Variants in TAB2 observed in about 807,000 individuals in gnomAD.
TAB2 encodes the protein TGF-beta activated kinase 1 (MAP3K7) binding protein 2.
In TAB2, 3 loss-of-function variants were observed where a neutral mutation model predicts 65.0. That is an observed-to-expected ratio of 0.05 (90% CI 0.02 to 0.12). The LOEUF (loss-of-function observed/expected upper bound fraction) is 0.12. Ranked by LOEUF, TAB2 falls within the 10% of genes least tolerant of loss-of-function variation. The pLI is 1.00. For synonymous variants in TAB2, 298 were observed against 285.1 expected, an observed-to-expected ratio of 1.05 and a Z score of -0.46; for missense variants, 623 against 840.3, an observed-to-expected ratio of 0.74 and a Z score of 3.20.
intron 1 of TAB2, among the ~76,000 whole-genome samples, chr6:149,270,816 C>CT (rs1403080910): frequency 6.6e-6 from 1 of 152,244 alleles, no homozygotes; most frequent in African/African-American, 2.4e-5. Context: ...AGTTTCTTCT[C>CT]TTTTTTGGAT....
intron 5 of TAB2, among the ~76,000 whole-genome samples, chr6:149,398,311 C>T (rs1782244971): frequency 6.6e-6 from 1 of 152,162 alleles, no homozygotes; most frequent in Non-Finnish European, 1.5e-5. Context: ...GTTTCTTATA[C>T]TTGAGCTATT....
chr6:149,348,976 T>A (rs549714), intron 1 of TAB2, among the ~76,000 whole-genome samples: 129,449 of 149,550 alleles, frequency 0.87, 56,071 homozygotes, highest in Middle Eastern at 0.97. Context: ...TCAAAAAATT[T>A]AAAAAAAAAA....
rs1781511277 is a variant in TAB2, at chr6:149,379,037, A to G, written c.1122A>G (p.Pro374=). The G allele has an allele frequency of 3.1e-6, 5 of 1,614,202 alleles. No individual in the cohort carries two copies. Among genetic ancestry groups the G allele is most frequent in the African/African-American group, 1.3e-5 (1 of 75,044 alleles). ...QPTVYIAASP[P]NTDELMSRSQ... Reference sequence around the variant, plus strand: ...CTGTTTACATAGCTGCCAGCCCCCCAAATACGGATGAGCTGATGTCCCGTA... The same window carrying G: ...CTGTTTACATAGCTGCCAGCCCCCCGAATACGGATGAGCTGATGTCCCGTA... The change falls in exon 3 of 7, where the codon CCA becomes CCG. Residue 374 remains proline, a synonymous_variant. Transcript: ENST00000637181.
chr6:149,289,194 G>T (rs1044235056), intron 1 of TAB2, among the ~76,000 whole-genome samples: 1 of 151,946 alleles, frequency 6.6e-6, no homozygotes, highest in South Asian at 2.1e-4. Context: ...TCATGTATCT[G>T]CTCAAAACCA....
intron 1 of TAB2, among the ~76,000 whole-genome samples, chr6:149,338,300 A>G (rs1779994736): frequency 6.6e-6 from 1 of 152,210 alleles, no homozygotes; most frequent in East Asian, 1.9e-4. Context: ...CTTCGTGGAA[A>G]AATCTTGTCC....
upstream of TAB2, among the ~76,000 whole-genome samples, chr6:149,313,391 G>C (rs1195925989): frequency 6.6e-6 from 1 of 152,086 alleles, no homozygotes; most frequent in African/African-American, 2.4e-5. Flanking sequence ...ACATGGCCCA[G>C]GTTTGCCTAG....
At chr6:149,392,917 A>G (rs1782038341) in intron 3 of TAB2, among the ~76,000 whole-genome samples, 1 of 152,062 alleles carries the variant, frequency 6.6e-6, no homozygotes, top group Non-Finnish European at 1.5e-5. Context: ...TATTTTGTAA[A>G]CTCAAGGTTA....
At chr6:149,314,257 TC>T, upstream of TAB2, among the ~76,000 whole-genome samples, 1 of 152,250 alleles carries the variant, frequency 6.6e-6, no homozygotes, top group Non-Finnish European at 1.5e-5. Flanking sequence ...CTAATCTATT[TC>T]ATGTACCTGC....
intron 3 of TAB2, among the ~76,000 whole-genome samples, chr6:149,384,814 G>A (rs1459808608): frequency 1.3e-5 from 2 of 152,064 alleles, no homozygotes; most frequent in Non-Finnish European, 2.9e-5. Context: ...AAATTTTCAT[G>A]GTGGAGAGAA....
chr6:149,391,648 C>G (rs1036561107), intron 3 of TAB2, among the ~76,000 whole-genome samples: 2 of 151,900 alleles, frequency 1.3e-5, no homozygotes, highest in African/African-American at 4.8e-5. Flanking sequence ...CTCAAATGAT[C>G]CTCCCACCTC....
At chr6:149,268,636 G>T (rs1291706021) in intron 1 of TAB2, among the ~76,000 whole-genome samples, 1 of 152,200 alleles carries the variant, frequency 6.6e-6, no homozygotes, top group East Asian at 1.9e-4. Flanking sequence ...AGGTGTCTTT[G>T]CATACATGGA....
At chr6:149,350,547 G>A (rs546651707) in intron 1 of TAB2, among the ~76,000 whole-genome samples, 4 of 151,808 alleles carry the variant, frequency 2.6e-5, no homozygotes, top group South Asian at 2.1e-4. Context: ...ATCCTAGGGC[G>A]GTTGAGAAGT....
chr6:149,294,940 C>T (rs1366674393), intron 1 of TAB2, among the ~76,000 whole-genome samples: 5 of 152,156 alleles, frequency 3.3e-5, no homozygotes, highest in Non-Finnish European at 7.4e-5. Flanking sequence ...TGTTAAAACA[C>T]TTTTAGTGTG....
chr6:149,403,234 TAAAAAA>T (rs745966790), intron 6 of TAB2, among the ~76,000 whole-genome samples: 21 of 66,080 alleles, frequency 3.2e-4, no homozygotes, highest in Admixed American at 1.8e-3. Flanking sequence ...AACTCTTGTC[TAAAAAA>T]AAAAAAAATA....
rs1778432036 is a variant in TAB2, at chr6:149,275,128, T to TG, written c.-121+56352_-121+56353insG. Reference sequence around the variant, plus strand: ...CTAATTTTTTTTCTCTTCTTCTGTTTTTTTTTTTTTTTTTTGAGTTGGAGT... The same window carrying TG: ...CTAATTTTTTTTCTCTTCTTCTGTTTGTTTTTTTTTTTTTTTGAGTTGGAGT... On this transcript the variant is annotated intron_variant, in intron 1 of 1. Coordinates refer to the TAB2 transcript ENST00000606202. Among the ~76,000 whole-genome samples, 11 of 117,232 alleles carry TG rather than the reference T, an allele frequency of 9.4e-5. 1 individual carries two copies. In the South Asian group the frequency reaches 3.0e-3, roughly 32 times the overall value. 76.9% of individuals were successfully genotyped at this position (117,232 alleles called of 152,430 possible).
intron 3 of TAB2, among the ~76,000 whole-genome samples, chr6:149,386,463 C>T (rs987419120): frequency 2.6e-5 from 4 of 152,056 alleles, no homozygotes; most frequent in African/African-American, 9.7e-5. Flanking sequence ...ACCCCCCACC[C>T]TCACTCAGCA....
chr6:149,388,444 A>G (rs780660055), intron 3 of TAB2, among the ~76,000 whole-genome samples: 2 of 152,218 alleles, frequency 1.3e-5, no homozygotes, highest in Admixed American at 1.3e-4. Flanking sequence ...AATGTTGCCA[A>G]TTTCAATTTT....
chr6:149,382,213 C>T (rs979396536), intron 3 of TAB2, among the ~76,000 whole-genome samples: 1 of 152,130 alleles, frequency 6.6e-6, no homozygotes, highest in African/African-American at 2.4e-5. Flanking sequence ...CTTTAGGGCC[C>T]TTTTATTTGC....
intron 1 of TAB2, among the ~76,000 whole-genome samples, chr6:149,351,807 TA>T (rs1318754326): frequency 5.3e-5 from 8 of 152,344 alleles, no homozygotes; most frequent in African/African-American, 7.2e-5. Context: ...CCTTATATCA[TA>T]ATTGTCTCAT....
Sources: gnomAD v4.1 joint callset for allele counts (sites outside exome capture counted in the v4.1 genomes callset) on GRCh38, gnomAD v4.1.1 for gene constraint, MANE v1.5 for transcripts, NCBI Gene and HGNC (gene_info 2026-07-23, HGNC 2026-07-21) for gene names.